The following TRIO variants were observed in gnomAD, a reference collection of about 807,000 sequenced individuals.
TRIO encodes the protein trio Rho guanine nucleotide exchange factor, also known as triple functional domain protein.
Under a neutral mutation model 351.9 loss-of-function variants are expected in TRIO, and 58 were observed. The ratio of observed to expected loss-of-function variants is 0.16; its 90% CI spans 0.13 to 0.21. TRIO has a LOEUF of 0.21. Ranked by LOEUF, TRIO falls within the 10% of genes least tolerant of loss-of-function variation. TRIO has a pLI of 1.00. For missense variants in TRIO, 3,201 were observed against 4,027.8 expected (o/e 0.79, Z 5.56); for synonymous variants, 1,758 against 1,595.7 (o/e 1.10, Z -2.42).
At chr5:14,161,456 T>A (rs945361344) in intron 1 of TRIO, among the ~76,000 whole-genome samples, 1 of 152,176 alleles carries the variant, frequency 6.6e-6, no homozygotes, top group Admixed American at 6.5e-5. Flanking sequence ...CATGACACTT[T>A]GTGAGAACTG....
At chr5:14,308,719 GTCCA>G (rs56135752) in intron 8 of TRIO, among the ~76,000 whole-genome samples, 7,329 of 124,956 alleles carry the variant, frequency 0.059, 225 homozygotes, top group African/African-American at 0.091. Flanking sequence ...CCATTCATTT[GTCCA>G]TCCATCCATC....
At chr5:14,164,146 A>G (rs961511608) in intron 1 of TRIO, among the ~76,000 whole-genome samples, 2 of 152,216 alleles carry the variant, frequency 1.3e-5, no homozygotes, top group African/African-American at 4.8e-5. Flanking sequence ...TTACCTCAGG[A>G]TGACACATTC....
At chr5:14,356,866 G>GAA (rs35878008) in intron 11 of TRIO, among the ~76,000 whole-genome samples, 349 of 151,134 alleles carry the variant, frequency 2.3e-3, no homozygotes, top group Non-Finnish European at 4.3e-3. Context: ...AAGCTGGACA[G>GAA]AAAAAAAAAG....
At chr5:14,304,676 G>T (rs1246869208) in intron 8 of TRIO, 84 bp downstream of exon 8, 16 of 1,462,274 alleles carry the variant, frequency 1.1e-5, no homozygotes, top group Non-Finnish European at 1.5e-5. Flanking sequence ...AAAAAGTTTT[G>T]GGTAGCCCAG....
chr5:14,494,854 A>G (rs1052543329), intron 49 of TRIO, among the ~76,000 whole-genome samples: 6 of 152,254 alleles, frequency 3.9e-5, no homozygotes, highest in African/African-American at 7.2e-5. Flanking sequence ...AGCCTAGATC[A>G]TGCCACTGCA....
At chr5:14,306,716 C>T (rs943634603) in intron 8 of TRIO, among the ~76,000 whole-genome samples, 3 of 152,146 alleles carry the variant, frequency 2.0e-5, no homozygotes, top group African/African-American at 7.2e-5. Flanking sequence ...TAACTTAAAT[C>T]AGAATCACCT....
chr5:14,478,297 T>A (rs3898746), intron 41 of TRIO, among the ~76,000 whole-genome samples: 3,816 of 152,306 alleles, frequency 0.025, 65 homozygotes, highest in Admixed American at 0.045. Context: ...TTTTGTTTTG[T>A]TTTTTACTAT....
In TRIO at chr5:14,510,198, T is replaced by A. The variant is rs1757997560; in HGVS notation, c.*1776T>A. 1 of 152,268 alleles carries A rather than the reference T, an allele frequency of 6.6e-6. No homozygotes were observed. Among genetic ancestry groups the A allele is most frequent in the Admixed American group, 6.5e-5 (1 of 15,290 alleles). The allele number at this position is 152,268 out of a possible 1,614,324, so 9.4% of individuals were successfully genotyped here. On this transcript the variant is annotated 3_prime_UTR_variant, in exon 57 of 57. Transcript: ENST00000344204. ...GTTATTTTAAAAAATTAAACATATT[T>A]GCCTGATTTTTGTGTTAGGCTTTTT...
intron 34 of TRIO, among the ~76,000 whole-genome samples, chr5:14,429,069 C>T (rs188280415): frequency 4.8e-4 from 73 of 152,340 alleles, no homozygotes; most frequent in Non-Finnish European, 7.8e-4. Flanking sequence ...TTTGCAGAAG[C>T]TGTGAAAAAT....
intron 21 of TRIO, among the ~76,000 whole-genome samples, chr5:14,385,968 A>G (rs757942330): frequency 1.3e-5 from 2 of 152,192 alleles, no homozygotes; most frequent in African/African-American, 2.4e-5. Context: ...CCTTGTGGCA[A>G]TGTAAGAGAT....
chr5:14,418,237 T>C lies in TRIO; in HGVS notation c.4960-1541T>C, dbSNP rs373351056. Among the ~76,000 whole-genome samples, 21 of 152,200 alleles carry C rather than the reference T, an allele frequency of 1.4e-4. No individual in the cohort carries two copies. The East Asian group carries it at 4.1e-3, about 29-fold the overall frequency. ...CCCTCAGGAGGAGGAGGGAGGTGCT[T>C]CTGGCCACTGGGGGGGACCTTTGCC... On this transcript the variant is annotated intron_variant, in intron 33 of 56. Coordinates refer to ENST00000344204, the MANE Select transcript of TRIO (RefSeq NM_007118.4).
intron 34 of TRIO, among the ~76,000 whole-genome samples, chr5:14,446,302 T>C (rs1436407344): frequency 6.6e-6 from 1 of 152,196 alleles, no homozygotes; most frequent in Non-Finnish European, 1.5e-5. Context: ...GAGACAGCGT[T>C]TGAACCCCAT....
intron 21 of TRIO, among the ~76,000 whole-genome samples, chr5:14,386,064 G>C (rs897543820): frequency 6.6e-6 from 1 of 152,216 alleles, no homozygotes; most frequent in African/African-American, 2.4e-5. Context: ...AAAATCACTT[G>C]CACCCTCTGT....
At chr5:14,385,944 C>T (rs1366892700) in intron 21 of TRIO, among the ~76,000 whole-genome samples, 2 of 152,156 alleles carry the variant, frequency 1.3e-5, no homozygotes, top group Non-Finnish European at 2.9e-5. Context: ...TTTACAGTGC[C>T]CTCCACAGAT....
At chr5:14,498,999 C>G (rs1757091135) in intron 53 of TRIO, 1 of 222,588 alleles carries the variant, frequency 4.5e-6, no homozygotes, top group African/African-American at 2.2e-5. Context: ...GTACTCAAAA[C>G]ACTCATATCC....
intron 1 of TRIO, among the ~76,000 whole-genome samples, chr5:14,222,328 T>A (rs994078701): frequency 6.6e-6 from 1 of 152,192 alleles, no homozygotes; most frequent in Non-Finnish European, 1.5e-5. Context: ...ATTGCAGTTG[T>A]CTGGAACCAA....
intron 2 of TRIO, among the ~76,000 whole-genome samples, chr5:14,278,452 T>C (rs1330520017): frequency 6.6e-6 from 1 of 152,194 alleles, no homozygotes. Flanking sequence ...CAAACACATT[T>C]TAAAAATTCA....
chr5:14,233,171 T>C (rs908962982), intron 1 of TRIO, among the ~76,000 whole-genome samples: 14 of 151,958 alleles, frequency 9.2e-5, no homozygotes, highest in Non-Finnish European at 1.5e-5. Flanking sequence ...CATCTTGAAA[T>C]GATGGGCTGC....
rs114101377 is a variant in TRIO, at chr5:14,228,178, G to T, written c.158-42647G>T. 3.2e-3 allele frequency among the ~76,000 whole-genome samples: 484 copies of T among 152,302 alleles called. 3 individuals carry two copies. Among genetic ancestry groups the T allele is most frequent in the African/African-American group, 0.011 (451 of 41,562 alleles). On this transcript the variant is annotated intron_variant, in intron 1 of 56. Transcript: ENST00000344204. ...AACAGGTTTGTTTTTATTACTGCCT[G>T]GTTAGGCTTGGGGGAAATGATATTT... is the stretch of plus-strand genomic sequence containing the variant.
Sources: gnomAD v4.1 joint callset for allele counts (sites outside exome capture counted in the v4.1 genomes callset) on GRCh38, gnomAD v4.1.1 for gene constraint, MANE v1.5 for transcripts, NCBI Gene and HGNC (gene_info 2026-07-23, HGNC 2026-07-21) for gene names.